The following ZGRF1 variants were observed in gnomAD, a reference collection of about 807,000 sequenced individuals.
ZGRF1 encodes zinc finger GRF-type containing 1.
Under a neutral mutation model 203.5 loss-of-function variants are expected in ZGRF1, and 196 were observed. The observed-to-expected ratio is 0.96, with a 90% CI of 0.86 to 1.08. The LOEUF is 1.08. ZGRF1 is among the 50% of genes least tolerant of loss of function. ZGRF1 has a pLI of 0.00. For missense variants in ZGRF1, 2,326 were observed against 2,416.3 expected, an observed-to-expected ratio of 0.96 and a Z score of 0.78; for synonymous variants, 809 against 841.3, an observed-to-expected ratio of 0.96 and a Z score of 0.66.
chr4:112,625,103 C>G (rs946011463), intron 3 of ZGRF1, among the ~76,000 whole-genome samples: 2 of 152,056 alleles, frequency 1.3e-5, no homozygotes, highest in East Asian at 1.9e-4. Context: ...ATCCAGGGAA[C>G]GAAGCAAGAC....
At position 112,541,160 on chromosome 4, in the gene ZGRF1, T is replaced by G; in HGVS notation, c.5707A>C (p.Ile1903Leu). ...CATTCCAATAAAGGGCTCCGCTCTA[T>G]TTCTGTTACACCATTCATGAGGGCT... is the stretch of plus-strand genomic sequence containing the variant. ...KGALMNGVTE[I>L]ERSPLLEWLP... The change falls in exon 25 of 28, where the codon ATA (isoleucine) becomes CTA (leucine). Residue 1903 changes from isoleucine to leucine, a missense_variant. Transcript: ENST00000505019. The G allele has an allele frequency of 6.2e-7, 1 of 1,611,990 alleles. No individual in the cohort carries two copies. Among genetic ancestry groups the G allele is most frequent in the South Asian group, 1.1e-5 (1 of 90,528 alleles).
chr4:112,539,509 G>A lies in ZGRF1; in HGVS notation c.*38C>T. On this transcript the variant is annotated 3_prime_UTR_variant, in exon 28 of 28. Coordinates refer to ENST00000505019, the MANE Select transcript of ZGRF1 (RefSeq NM_018392.5). The stretch of plus-strand genomic sequence containing the variant: ...AAAATATATCATGTAAAATGAGTCT[G>A]AATTTACATAAATACAAAATATTTA... 1 of 1,038,146 alleles carries A rather than the reference G, an allele frequency of 9.6e-7. No individual in the cohort carries two copies. Among genetic ancestry groups the A allele is most frequent in the Non-Finnish European group, 1.4e-6 (1 of 705,704 alleles). 64.3% of individuals were successfully genotyped at this position (1,038,146 alleles called of 1,614,324 possible).
Position 112,620,197 on chromosome 4 carries a change from G to T in ZGRF1, c.163-7C>A. The T allele has an allele frequency of 6.3e-7, 1 of 1,589,790 alleles. No individual in the cohort carries two copies. The highest frequency in any genetic ancestry group is 8.5e-7 in the Non-Finnish European group (1 of 1,169,870). On this transcript the variant is annotated splice_region_variant and splice_polypyrimidine_tract_variant and intron_variant, in intron 4 of 27. Coordinates refer to ENST00000505019, the MANE Select transcript of ZGRF1 (RefSeq NM_018392.5). Reference sequence around the variant, plus strand: ...AGTCATCTCCAGGTTTCACCTGAAAGAATAAATGTCAAAATCACATACATC... The same window carrying T: ...AGTCATCTCCAGGTTTCACCTGAAATAATAAATGTCAAAATCACATACATC...
At chr4:112,574,099 G>A (rs1245426692) in intron 16 of ZGRF1, among the ~76,000 whole-genome samples, 2 of 152,272 alleles carry the variant, frequency 1.3e-5, no homozygotes, top group Non-Finnish European at 2.9e-5. Context: ...ATGTTCATAT[G>A]CTGTAAGGCA....
rs1747491815 is a variant in ZGRF1, at chr4:112,587,878, A to C, written c.3179T>G (p.Leu1060Ter). ...LENENLQRLS[L>*]LSRTQVPLIT... ...AAGTGGAACCTGGGTTCTACTTAAT[A>C]ATGAAAGCCTTTGAAGGTTCTCATT... The change falls in exon 12 of 28, where the codon TTA (leucine) becomes TGA (stop). Residue 1060 changes from leucine (L) to a stop codon, truncating the protein, a stop_gained. Coordinates refer to ENST00000505019, the MANE Select transcript of ZGRF1 (RefSeq NM_018392.5). LOFTEE classifies it high-confidence loss of function. 4.5e-6 allele frequency: 7 copies of C among 1,549,550 alleles called. 1 individual carries two copies. In the East Asian group the frequency reaches 1.7e-4, roughly 38 times the overall value.
chr4:112,570,815 AGTG>A (rs1421732836), intron 16 of ZGRF1, among the ~76,000 whole-genome samples: 3 of 152,144 alleles, frequency 2.0e-5, no homozygotes, highest in Non-Finnish European at 4.4e-5. Context: ...GCAAAAATAG[AGTG>A]GTAGGCCAGG....
At chr4:112,631,678 A>C (rs2047414802) in intron 3 of ZGRF1, among the ~76,000 whole-genome samples, 1 of 152,202 alleles carries the variant, frequency 6.6e-6, no homozygotes, top group Non-Finnish European at 1.5e-5. Flanking sequence ...TCTCAAAAAA[A>C]ATAAAAATAA....
At chr4:112,619,747 T>C (rs1333203516) in intron 5 of ZGRF1, 57 bp from the exon 6 acceptor site, 1 of 1,339,406 alleles carries the variant, frequency 7.5e-7, no homozygotes, top group African/African-American at 1.5e-5. Context: ...AAATGTGAAA[T>C]GAACTGGCTA....
rs1347024180 is a variant in ZGRF1 at position 112,584,168 on chromosome 4, G to T, written c.4108C>A (p.Leu1370Ile). 1 of 1,583,022 alleles carries T rather than the reference G, an allele frequency of 6.3e-7. No individual in the cohort carries two copies. Among genetic ancestry groups the T allele is most frequent in the Middle Eastern group, 1.7e-4 (1 of 5,904 alleles). ...TTGGGTCCATCACATGTATAAAAGA[G>T]ACGACCCTAAGGGGAAAGAAAAAAG... ...VKKEGPNKGR[L>I]FYTCDGPKAD... is the part of the protein sequence containing the mutation. Residue 1370 changes from leucine (L) to isoleucine (I), a missense_variant, in exon 15 of 28, where the codon CTC (leucine) becomes ATC (isoleucine). Physicochemically the swap from Leu to Ile is conservative, Grantham distance 5. Coordinates refer to ENST00000505019, the MANE Select transcript of ZGRF1 (RefSeq NM_018392.5).
At chr4:112,634,994 G>C (rs1403809698) in intron 1 of ZGRF1, among the ~76,000 whole-genome samples, 1 of 151,910 alleles carries the variant, frequency 6.6e-6, no homozygotes, top group Non-Finnish European at 1.5e-5. Context: ...GCTGGGCATG[G>C]TGGCACAGGC....
intron 16 of ZGRF1, among the ~76,000 whole-genome samples, chr4:112,564,569 G>A (rs1035201504): frequency 5.3e-5 from 8 of 151,872 alleles, no homozygotes; most frequent in Admixed American, 3.3e-4. Context: ...ATTTCACAAC[G>A]GTAACCTATA....
chr4:112,592,689 T>A (rs140017434), intron 10 of ZGRF1, among the ~76,000 whole-genome samples: 1 of 152,350 alleles, frequency 6.6e-6, no homozygotes, highest in Admixed American at 6.5e-5. Flanking sequence ...ATCAGACTCA[T>A]GTACTCAACT....
At chr4:112,628,212 C>T (rs948018074) in intron 3 of ZGRF1, among the ~76,000 whole-genome samples, 2 of 152,150 alleles carry the variant, frequency 1.3e-5, no homozygotes, top group African/African-American at 4.8e-5. Context: ...CCATTCATTG[C>T]GTGCTCAGGA....
rs746173130 is a variant in ZGRF1 at position 112,633,141 on chromosome 4, A to G, written c.21+15T>C. On this transcript the variant is annotated intron_variant, in intron 2 of 27. Coordinates refer to ENST00000505019, the MANE Select transcript of ZGRF1 (RefSeq NM_018392.5). ...AAGGGAATTTCACCAAACTGTGAAA[A>G]ATGGTAAAACTTACAATAAATTCTT... 1.1e-5 allele frequency: 17 copies of G among 1,606,692 alleles called. No homozygotes were observed. Among genetic ancestry groups the G allele is most frequent in the Middle Eastern group, 1.6e-4 (1 of 6,074 alleles).
At chr4:112,634,676 G>A (rs903902605) in intron 1 of ZGRF1, among the ~76,000 whole-genome samples, 7 of 151,768 alleles carry the variant, frequency 4.6e-5, no homozygotes, top group Non-Finnish European at 8.8e-5. Flanking sequence ...AGGGCGAGGC[G>A]GGGGCGGTGA....
chr4:112,573,171 C>T (rs111686465), intron 16 of ZGRF1, among the ~76,000 whole-genome samples: 1 of 125,568 alleles, frequency 8.0e-6, no homozygotes, highest in African/African-American at 3.1e-5. Flanking sequence ...TTGTGATACA[C>T]ACACACACAC....
chr4:112,621,716 T>A (rs1296208637), intron 4 of ZGRF1, among the ~76,000 whole-genome samples: 1 of 132,934 alleles, frequency 7.5e-6, no homozygotes, highest in Non-Finnish European at 1.6e-5. Flanking sequence ...AGATTAATAT[T>A]TTACTAATGA....
intron 24 of ZGRF1, 82 bp downstream of exon 24, chr4:112,547,203 A>G (rs892556956): frequency 7.3e-7 from 1 of 1,370,128 alleles, no homozygotes; most frequent in Non-Finnish European, 9.8e-7. Context: ...AAGTCTTCTA[A>G]TATTTTCATT....
intron 10 of ZGRF1, among the ~76,000 whole-genome samples, chr4:112,595,600 T>TTA (rs1033575164): frequency 2.0e-5 from 3 of 151,650 alleles, no homozygotes; most frequent in East Asian, 3.9e-4. Context: ...GTGTGTGTAT[T>TTA]TATATATATA....
Sources: gnomAD v4.1 joint callset for allele counts (sites outside exome capture counted in the v4.1 genomes callset) on GRCh38, gnomAD v4.1.1 for gene constraint, MANE v1.5 for transcripts, NCBI Gene and HGNC (gene_info 2026-07-23, HGNC 2026-07-21) for gene names.